Variants in ADAM18 observed in about 807,000 individuals in gnomAD.
ADAM18 encodes the protein disintegrin and metalloproteinase domain-containing protein 18.
Under a neutral mutation model 94.4 loss-of-function variants are expected in ADAM18, and 117 were observed. The observed-to-expected ratio is 1.24, with a 90% CI of 1.07 to 1.45. The LOEUF is 1.45. ADAM18 is among the 40% of genes most tolerant of loss of function. The probability of loss-of-function intolerance (pLI) is 0.00; values close to 1 mark genes in which losing one functional copy is unlikely to be tolerated. For synonymous variants in ADAM18, 327 were observed against 291.6 expected, an observed-to-expected ratio of 1.12 and a Z score of -1.24; for missense variants, 936 against 880.0, an observed-to-expected ratio of 1.06 and a Z score of -0.81.
At chr8:39,590,899 C>G (rs935290058) in intron 2 of ADAM18, among the ~76,000 whole-genome samples, 1 of 152,044 alleles carries the variant, frequency 6.6e-6, no homozygotes, top group Admixed American at 6.6e-5. Context: ...TATTATTGTT[C>G]AAAACTGAAA....
rs778051098 is a variant in ADAM18 at position 39,637,272 on chromosome 8, TATGGG to T, written c.600_604del (p.Met200IlefsTer2). 2 of 1,603,038 alleles carry T rather than the reference TATGGG, an allele frequency of 1.2e-6. No individual in the cohort carries two copies. Among genetic ancestry groups the T allele is most frequent in the Non-Finnish European group, 1.7e-6 (2 of 1,174,250 alleles). On this transcript the variant is annotated frameshift_variant, in exon 8 of 20. Transcript: ENST00000265707. LOFTEE classifies it high-confidence loss of function. ...TAAAATTTCTTTTTCAGTATGATTATATGGGATCTGAAATGATGGCTGTAACACAA... is the reference window on the plus strand; with the variant it reads ...TAAAATTTCTTTTTCAGTATGATTATATCTGAAATGATGGCTGTAACACAA...
At chr8:39,596,036 C>G (rs955010418) in intron 2 of ADAM18, among the ~76,000 whole-genome samples, 2 of 152,066 alleles carry the variant, frequency 1.3e-5, no homozygotes, top group African/African-American at 2.4e-5. Context: ...CTAAAATAAA[C>G]TGTGTGTGTG....
intron 16 of ADAM18, among the ~76,000 whole-genome samples, chr8:39,681,788 T>C (rs1821467056): frequency 1.3e-5 from 2 of 152,290 alleles, no homozygotes; most frequent in Admixed American, 1.3e-4. Context: ...TAAGGTTCTT[T>C]TTATTTAGTG....
intron 2 of ADAM18, among the ~76,000 whole-genome samples, chr8:39,605,931 C>T (rs1282086391): frequency 6.6e-6 from 1 of 152,102 alleles, no homozygotes; most frequent in Non-Finnish European, 1.5e-5. Flanking sequence ...GCTTAGTTCC[C>T]ACTTATGAGT....
chr8:39,640,538 A>G (rs959985869), intron 10 of ADAM18, among the ~76,000 whole-genome samples: 1 of 152,146 alleles, frequency 6.6e-6, no homozygotes, highest in African/African-American at 2.4e-5. Flanking sequence ...CTTTGGGTAT[A>G]TAGTTAGTAA....
chr8:39,630,413 A>G (rs1162174225), intron 7 of ADAM18, among the ~76,000 whole-genome samples: 1 of 151,422 alleles, frequency 6.6e-6, no homozygotes, highest in Non-Finnish European at 1.5e-5. Context: ...ATATACTCAC[A>G]AAGTAACAGG....
At chr8:39,707,083 T>G (rs545354313) in intron 18 of ADAM18, among the ~76,000 whole-genome samples, 179 bp downstream of exon 18, 1 of 152,192 alleles carries the variant, frequency 6.6e-6, no homozygotes, top group Non-Finnish European at 1.5e-5. Context: ...AGCACCAAGC[T>G]CTAAATGTAC....
intron 7 of ADAM18, among the ~76,000 whole-genome samples, chr8:39,634,547 G>C (rs1448873862): frequency 2.0e-5 from 3 of 152,186 alleles, no homozygotes; most frequent in Admixed American, 1.3e-4. Context: ...GGTGGGTCAT[G>C]GAGTCAAAGA....
At chr8:39,641,648 T>G (rs191936963) in intron 10 of ADAM18, among the ~76,000 whole-genome samples, 22 of 152,228 alleles carry the variant, frequency 1.4e-4, no homozygotes, top group African/African-American at 5.1e-4. Flanking sequence ...TGGTTTTCTG[T>G]TCCTGTGTTA....
At chr8:39,722,835 T>C (rs139659097) in intron 18 of ADAM18, among the ~76,000 whole-genome samples, 4 of 151,718 alleles carry the variant, frequency 2.6e-5, no homozygotes, top group African/African-American at 4.8e-5. Flanking sequence ...TGGGGAGTTA[T>C]GTTTCCTAGA....
chr8:39,650,848 A>G (rs1008070083), intron 12 of ADAM18, among the ~76,000 whole-genome samples: 8 of 152,152 alleles, frequency 5.3e-5, no homozygotes, highest in Admixed American at 5.2e-4. Context: ...AGGTGGAATG[A>G]GAGACTTGAG....
chr8:39,716,178 TC>T (rs1238538635), intron 18 of ADAM18, among the ~76,000 whole-genome samples: 17 of 152,048 alleles, frequency 1.1e-4, no homozygotes, highest in African/African-American at 4.1e-4. Flanking sequence ...TGTTTGTTTT[TC>T]TGTTTTCTAT....
At chr8:39,721,106 G>A (rs1195418362) in intron 18 of ADAM18, among the ~76,000 whole-genome samples, 2 of 151,350 alleles carry the variant, frequency 1.3e-5, no homozygotes, top group African/African-American at 2.4e-5. Flanking sequence ...AATGAACAAA[G>A]TCAGAAAACA....
intron 2 of ADAM18, among the ~76,000 whole-genome samples, chr8:39,591,293 G>T (rs1353653153): frequency 6.6e-6 from 1 of 152,124 alleles, no homozygotes; most frequent in Non-Finnish European, 1.5e-5. Context: ...TTTCATGAAA[G>T]ATTTCTCTAT....
At chr8:39,648,573 A>C (rs1163486010) in intron 12 of ADAM18, 46 bp downstream of exon 12, 1 of 1,509,444 alleles carries the variant, frequency 6.6e-7, no homozygotes, top group Non-Finnish European at 9.0e-7. Context: ...TATGTTTCTG[A>C]TAAAACATAA....
At chr8:39,619,448 A>C (rs968545869) in intron 6 of ADAM18, among the ~76,000 whole-genome samples, 1 of 152,208 alleles carries the variant, frequency 6.6e-6, no homozygotes, top group Admixed American at 6.5e-5. Flanking sequence ...AGTTTTTAAA[A>C]ATTGAAATTG....
At chr8:39,608,172 T>G (rs1462966452) in intron 3 of ADAM18, among the ~76,000 whole-genome samples, 1 of 151,600 alleles carries the variant, frequency 6.6e-6, no homozygotes, top group African/African-American at 2.4e-5. Flanking sequence ...ACCTCTGTAT[T>G]CAAAATATAT....
At position 39,655,100 on chromosome 8, in the gene ADAM18, C is replaced by T. The variant is rs372004146; in HGVS notation, c.1230+6573C>T. Among the ~76,000 whole-genome samples, 29 of 152,024 alleles carry T rather than the reference C, an allele frequency of 1.9e-4. No individual in the cohort carries two copies. The East Asian group carries it at 4.8e-3, about 25-fold the overall frequency. On this transcript the variant is annotated intron_variant, in intron 12 of 19. Coordinates refer to ENST00000265707, the MANE Select transcript of ADAM18 (RefSeq NM_014237.3). ...GCTTTTAGTCTTGCTTAAAAAAAAA[C>T]TTAGCCCAATTTCCCGTAGTGTTTC... is the stretch of plus-strand genomic sequence containing the variant.
intron 6 of ADAM18, among the ~76,000 whole-genome samples, chr8:39,624,927 G>A (rs1156598956): frequency 2.0e-5 from 3 of 152,264 alleles, no homozygotes; most frequent in South Asian, 2.1e-4. Context: ...CTGTGGAACC[G>A]TAAGCCAATT....
Sources: gnomAD v4.1 joint callset for allele counts (sites outside exome capture counted in the v4.1 genomes callset) on GRCh38, gnomAD v4.1.1 for gene constraint, MANE v1.5 for transcripts, NCBI Gene and HGNC (gene_info 2026-07-23, HGNC 2026-07-21) for gene names.